The following ANKRD55 variants were observed in gnomAD, a reference collection of about 807,000 sequenced individuals.
ANKRD55 encodes the protein ankyrin repeat domain 55.
ANKRD55 carries 41 observed loss-of-function variants against 60.6 expected under a neutral mutation model. That is an observed-to-expected ratio of 0.68 (90% confidence interval 0.53 to 0.88). The LOEUF is 0.88. Among genes scored for constraint, ANKRD55 ranks in the 40% least tolerant of loss-of-function variants. The pLI is 0.00. For missense variants in ANKRD55, 732 were observed against 767.6 expected, an observed-to-expected ratio of 0.95 and a Z score of 0.55; for synonymous variants, 264 against 290.3, an observed-to-expected ratio of 0.91 and a Z score of 0.92.
At chr5:56,191,057 C>G (rs146609404) in intron 2 of ANKRD55, among the ~76,000 whole-genome samples, 1,632 of 152,284 alleles carry the variant, frequency 0.011, 15 homozygotes, top group Non-Finnish European at 0.013. Context: ...CAGTTCTATT[C>G]TACTGATCTA....
chr5:56,148,382 A>G (rs145128016), intron 6 of ANKRD55, among the ~76,000 whole-genome samples: 44 of 152,338 alleles, frequency 2.9e-4, no homozygotes, highest in African/African-American at 1.0e-3. Context: ...CTGAAAATCA[A>G]AAAGTATTGA....
intron 10 of ANKRD55, among the ~76,000 whole-genome samples, chr5:56,102,841 C>CTGGGGTTTA (rs1756332716): frequency 6.6e-6 from 1 of 151,916 alleles, no homozygotes; most frequent in South Asian, 2.1e-4. Flanking sequence ...AAGAAACACA[C>CTGGGGTTTA]TGGGTTACTC....
At chr5:56,137,424 C>T in intron 7 of ANKRD55, 1 of 869,346 alleles carries the variant, frequency 1.2e-6, no homozygotes, top group South Asian at 1.3e-5. Flanking sequence ...TGAGATGATC[C>T]TTACTGAAAA....
intron 3 of ANKRD55, among the ~76,000 whole-genome samples, chr5:56,177,782 A>G (rs919713519): frequency 3.9e-5 from 6 of 152,052 alleles, no homozygotes; most frequent in African/African-American, 1.4e-4. Flanking sequence ...CTCAAAAAAA[A>G]AACACACACA....
At chr5:56,207,159 T>C (rs943490959) in intron 2 of ANKRD55, among the ~76,000 whole-genome samples, 6 of 152,116 alleles carry the variant, frequency 3.9e-5, no homozygotes, top group Non-Finnish European at 8.8e-5. Flanking sequence ...TCAAGGATGA[T>C]ATTATGAGCA....
chr5:56,172,627 C>A (rs1758636118), intron 4 of ANKRD55, among the ~76,000 whole-genome samples: 1 of 151,924 alleles, frequency 6.6e-6, no homozygotes, highest in African/African-American at 2.4e-5. Context: ...AATATACTAT[C>A]TGAAACCCTT....
intron 10 of ANKRD55, among the ~76,000 whole-genome samples, chr5:56,105,742 A>G (rs147982655): frequency 1.2e-3 from 190 of 152,310 alleles, no homozygotes; most frequent in African/African-American, 4.3e-3. Context: ...TCCTGAAAAG[A>G]TGCAAAACGT....
intron 6 of ANKRD55, among the ~76,000 whole-genome samples, chr5:56,157,900 T>G (rs1270993623): frequency 6.6e-6 from 1 of 152,166 alleles, no homozygotes; most frequent in Non-Finnish European, 1.5e-5. Context: ...GTCTCTTTCT[T>G]TTCTCAAGTC....
chr5:56,166,033 C>T (rs1479401888), intron 5 of ANKRD55, among the ~76,000 whole-genome samples: 1 of 152,208 alleles, frequency 6.6e-6, no homozygotes, highest in Non-Finnish European at 1.5e-5. Context: ...GTCAGTCTGA[C>T]TCATACTCAT....
intron 2 of ANKRD55, among the ~76,000 whole-genome samples, chr5:56,225,671 G>A (rs1760093164): frequency 6.6e-6 from 1 of 152,150 alleles, no homozygotes; most frequent in African/African-American, 2.4e-5. Context: ...AAAATCACAA[G>A]CATTCTTATA....
At chr5:56,120,270 G>A (rs1173429619) in intron 8 of ANKRD55, among the ~76,000 whole-genome samples, 1 of 151,914 alleles carries the variant, frequency 6.6e-6, no homozygotes, top group African/African-American at 2.4e-5. Flanking sequence ...CTCCTGATCC[G>A]CCGTCCTCGG....
chr5:56,126,792 C>G, intron 8 of ANKRD55, 130 bp downstream of exon 8: 1 of 1,009,790 alleles, frequency 9.9e-7, no homozygotes, highest in Non-Finnish European at 1.4e-6. Context: ...TTTATTGTCA[C>G]AAGCCCATGT....
intron 4 of ANKRD55, among the ~76,000 whole-genome samples, chr5:56,174,045 C>T (rs6450370): frequency 0.25 from 37,753 of 152,024 alleles, 7,914 homozygotes; most frequent in African/African-American, 0.57. Context: ...CCCGTGAGCC[C>T]CAGCAGAACA....
At chr5:56,165,650 C>T (rs145633087) in intron 5 of ANKRD55, among the ~76,000 whole-genome samples, 2 of 152,250 alleles carry the variant, frequency 1.3e-5, no homozygotes, top group African/African-American at 4.8e-5. Flanking sequence ...ACTTACTTCG[C>T]CAGGTGTGGT....
intron 10 of ANKRD55, among the ~76,000 whole-genome samples, chr5:56,103,528 T>C (rs910982672): frequency 3.3e-5 from 5 of 152,178 alleles, no homozygotes; most frequent in Admixed American, 3.3e-4. Flanking sequence ...TCAAACAGAA[T>C]TAGGCTTGAT....
At chr5:56,109,616 G>C (rs1350362561) in intron 10 of ANKRD55, among the ~76,000 whole-genome samples, 1 of 151,120 alleles carries the variant, frequency 6.6e-6, no homozygotes, top group African/African-American at 2.4e-5. Flanking sequence ...GAGATTACAA[G>C]TGTGAGTCAC....
intron 2 of ANKRD55, among the ~76,000 whole-genome samples, chr5:56,193,814 T>C (rs1561287664): frequency 6.6e-6 from 1 of 152,202 alleles, no homozygotes; most frequent in Non-Finnish European, 1.5e-5. Context: ...GTGAAGTCTG[T>C]TAAAATGTGT....
chr5:56,201,178 A>G (rs1371935655), intron 2 of ANKRD55, among the ~76,000 whole-genome samples: 1 of 152,190 alleles, frequency 6.6e-6, no homozygotes, highest in East Asian at 1.9e-4. Context: ...GATTATCCTG[A>G]ATGCTTTGAA....
chr5:56,176,052 G>T lies in ANKRD55; in HGVS notation c.312+100C>A, dbSNP rs1047283991. Reference sequence around the variant, plus strand: ...CTTCAAGTTCCAGCTCCTTTAGCCAGCTGCATAGATCCAAGAATGCTCCTT... The same window carrying T: ...CTTCAAGTTCCAGCTCCTTTAGCCATCTGCATAGATCCAAGAATGCTCCTT... On this transcript the variant is annotated intron_variant, in intron 4 of 11. Coordinates refer to ENST00000341048, the MANE Select transcript of ANKRD55 (RefSeq NM_024669.3). 1.1e-5 allele frequency: 16 copies of T among 1,455,192 alleles called. No homozygotes were observed. In the African/African-American group the frequency reaches 2.2e-4, roughly 20 times the overall value. The allele number at this position is 1,455,192 out of a possible 1,614,324, so 90.1% of individuals were successfully genotyped here.
Sources: allele counts gnomAD v4.1 joint callset (sites outside exome capture counted in the v4.1 genomes callset), GRCh38; gene constraint gnomAD v4.1.1; transcripts MANE v1.5; gene names NCBI Gene and HGNC (gene_info 2026-07-23, HGNC 2026-07-21).